Variants in WWOX observed in about 807,000 individuals in gnomAD.
The protein encoded by WWOX is WW domain-containing oxidoreductase.
WWOX carries 69 observed loss-of-function variants against 46.2 expected under a neutral mutation model. The ratio of observed to expected loss-of-function variants is 1.49; its 90% CI spans 1.23 to 1.82. The LOEUF is 1.82. Among genes scored for constraint, WWOX ranks in the 40% most tolerant of loss-of-function variants. The pLI, the probability that WWOX is intolerant of heterozygous loss-of-function variation, is 0.00. For synonymous variants in WWOX, 359 were observed against 202.6 expected (o/e 1.77, Z -6.56); for missense variants, 919 against 542.6 (o/e 1.69, Z -6.89).
intron 8 of WWOX, among the ~76,000 whole-genome samples, chr16:79,163,884 G>GAAAAA (rs10671742): frequency 0.01 from 1,382 of 136,406 alleles, 30 homozygotes; most frequent in African/African-American, 0.031. Flanking sequence ...AAGAGAATTG[G>GAAAAA]AAAAAAAAAA....
intron 8 of WWOX, among the ~76,000 whole-genome samples, chr16:78,794,725 T>G (rs2050693691): frequency 6.6e-6 from 1 of 152,244 alleles, no homozygotes; most frequent in Non-Finnish European, 1.5e-5. Context: ...TTATTAGCTC[T>G]GCTATCAGAG....
intron 8 of WWOX, among the ~76,000 whole-genome samples, chr16:78,633,341 G>A (rs188492777): frequency 2.0e-5 from 3 of 152,206 alleles, no homozygotes; most frequent in East Asian, 3.9e-4. Context: ...CAACTAGGTC[G>A]GGACAGGGCA....
rs958030719 is a variant in WWOX at position 78,470,824 on chromosome 16, C to T, written c.1056+38072C>T. On this transcript the variant is annotated intron_variant, in intron 8 of 8. Coordinates refer to ENST00000566780, the MANE Select transcript of WWOX (RefSeq NM_016373.4). ...GATTACAGTCATGAGTCACCATGCC[C>T]GACCAGCAAGACCCCACTGCTATTG... Among the ~76,000 whole-genome samples, 9 of 152,038 alleles carry T rather than the reference C, an allele frequency of 5.9e-5. No individual in the cohort carries two copies. The South Asian group carries it at 6.2e-4, about 11-fold the overall frequency.
chr16:78,452,613 C>G (rs372496167), intron 8 of WWOX, among the ~76,000 whole-genome samples: 10 of 148,576 alleles, frequency 6.7e-5, no homozygotes, highest in African/African-American at 2.2e-4. Flanking sequence ...GTAGCTGGGA[C>G]TGTAGGCATG....
chr16:79,038,960 C>T (rs1014013273), intron 8 of WWOX, among the ~76,000 whole-genome samples: 1 of 151,734 alleles, frequency 6.6e-6, no homozygotes, highest in Admixed American at 6.6e-5. Context: ...ATTGAGTTGC[C>T]CCTAGGATCA....
rs2051789906 is a variant in WWOX, at chr16:79,212,257, T to C, written c.*461T>C. ...CTTGCTGCATTGATCCAGGAGATAA[T>C]TGTTTCATTCATCCTGACCAAGACT... On this transcript the variant is annotated 3_prime_UTR_variant, in exon 9 of 9. Coordinates refer to ENST00000566780, the MANE Select transcript of WWOX (RefSeq NM_016373.4). The C allele has an allele frequency of 1.5e-6, 2 of 1,309,950 alleles. No homozygotes were observed. The highest frequency in any genetic ancestry group is 2.0e-6 in the Non-Finnish European group (2 of 987,072). 81.1% of individuals were successfully genotyped at this position (1,309,950 alleles called of 1,614,324 possible). A position where few individuals can be genotyped will look rare whatever the true frequency, so the allele number is the denominator to read the frequency against.
chr16:78,230,681 A>C (rs1172800930), intron 5 of WWOX, among the ~76,000 whole-genome samples: 34 of 152,210 alleles, frequency 2.2e-4, no homozygotes, highest in Admixed American at 2.2e-3. Context: ...TCCTGCTAGG[A>C]AGCATGGTCT....
intron 8 of WWOX, among the ~76,000 whole-genome samples, chr16:78,875,877 C>T (rs1456489553): frequency 2.0e-5 from 3 of 152,156 alleles, no homozygotes; most frequent in African/African-American, 7.2e-5. Context: ...ACTTTTATTG[C>T]TTAGTAGAAA....
intron 8 of WWOX, among the ~76,000 whole-genome samples, chr16:79,122,826 A>G (rs1219785939): frequency 6.6e-6 from 1 of 152,148 alleles, no homozygotes; most frequent in Non-Finnish European, 1.5e-5. Flanking sequence ...AGCTCAATGA[A>G]ATACATCTTC....
At chr16:78,178,968 A>C (rs183401948) in intron 5 of WWOX, among the ~76,000 whole-genome samples, 265 of 152,232 alleles carry the variant, frequency 1.7e-3, no homozygotes, top group Middle Eastern at 0.017. Context: ...TCAAATGTTT[A>C]CATGGGGCTG....
chr16:78,497,812 A>G (rs2084952831), intron 8 of WWOX, among the ~76,000 whole-genome samples: 2 of 151,974 alleles, frequency 1.3e-5, no homozygotes, highest in Admixed American at 1.3e-4. Context: ...TTTTATCATA[A>G]ATAAATCAAT....
At position 78,572,894 on chromosome 16, in the gene WWOX, C is replaced by G. The variant is rs371973029; in HGVS notation, c.1056+140142C>G. On this transcript the variant is annotated intron_variant, in intron 8 of 8. Coordinates refer to ENST00000566780, the MANE Select transcript of WWOX (RefSeq NM_016373.4). ...AGTGACAGGTACCTAGGTAGTCATT[C>G]TATATGTTATTAAAGTGTACACACA... Among the ~76,000 whole-genome samples the G allele has an allele frequency of 9.2e-5, 14 of 152,152 alleles. No homozygotes were observed. The South Asian group carries it at 1.9e-3, about 20-fold the overall frequency.
At chr16:78,376,675 C>T (rs921259321) in intron 5 of WWOX, among the ~76,000 whole-genome samples, 1 of 152,146 alleles carries the variant, frequency 6.6e-6, no homozygotes, top group Admixed American at 6.5e-5. Context: ...CATCCCTGAC[C>T]TCTGCCCCCT....
intron 8 of WWOX, among the ~76,000 whole-genome samples, chr16:79,000,716 T>C (rs1392443089): frequency 6.6e-6 from 1 of 152,150 alleles, no homozygotes; most frequent in East Asian, 1.9e-4. Flanking sequence ...AATAAATTTG[T>C]TTTAAGCCAC....
chr16:79,167,544 C>T (rs778832200), intron 8 of WWOX, among the ~76,000 whole-genome samples: 1 of 152,088 alleles, frequency 6.6e-6, no homozygotes, highest in Non-Finnish European at 1.5e-5. Flanking sequence ...CCAGAGTCTC[C>T]TGGAATGCTC....
At chr16:78,375,271 T>C (rs1036653048) in intron 5 of WWOX, among the ~76,000 whole-genome samples, 1 of 152,236 alleles carries the variant, frequency 6.6e-6, no homozygotes, top group Non-Finnish European at 1.5e-5. Flanking sequence ...TCACACGCAG[T>C]GTGGCCAACT....
chr16:79,114,369 C>A (rs542633361), intron 8 of WWOX, among the ~76,000 whole-genome samples: 1 of 108,510 alleles, frequency 9.2e-6, no homozygotes, highest in Non-Finnish European at 1.9e-5. Flanking sequence ...GAGAGACACA[C>A]GTGTGTGCAC....
At chr16:78,451,003 C>T (rs976580120) in intron 8 of WWOX, among the ~76,000 whole-genome samples, 1 of 152,176 alleles carries the variant, frequency 6.6e-6, no homozygotes, top group Non-Finnish European at 1.5e-5. Context: ...ATATTGGATT[C>T]CTTTATCCCT....
At chr16:79,198,681 A>C (rs866603419) in intron 8 of WWOX, among the ~76,000 whole-genome samples, 18 of 152,166 alleles carry the variant, frequency 1.2e-4, no homozygotes, top group Non-Finnish European at 2.2e-4. Context: ...CCCCACCCCT[A>C]CGTAGTAGCT....
Sources: gnomAD v4.1 joint callset for allele counts (sites outside exome capture counted in the v4.1 genomes callset) on GRCh38, gnomAD v4.1.1 for gene constraint, MANE v1.5 for transcripts, NCBI Gene and HGNC (gene_info 2026-07-23, HGNC 2026-07-21) for gene names.